Variants in ULK2 observed in about 807,000 individuals in gnomAD.
ULK2 encodes unc-51 like autophagy activating kinase 2, also known as serine/threonine-protein kinase ULK2.
ULK2 carries 76 observed loss-of-function variants against 127.5 expected under a neutral mutation model. The ratio of observed to expected loss-of-function variants is 0.60; its 90% confidence interval spans 0.50 to 0.72. The LOEUF (loss-of-function observed/expected upper bound fraction) is 0.72, where lower values mean the gene tolerates loss of function less well. Among genes scored for constraint, ULK2 ranks in the 30% least tolerant of loss-of-function variants. The probability of loss-of-function intolerance (pLI) is 0.00; values close to 1 mark genes in which losing one functional copy is unlikely to be tolerated. For synonymous variants in ULK2, 452 were observed against 461.9 expected (o/e 0.98, Z 0.28); for missense variants, 1,144 against 1,295.9 (o/e 0.88, Z 1.80).
intron 10 of ULK2, 57 bp downstream of exon 10, chr17:19,838,444 T>G: frequency 1.4e-6 from 2 of 1,438,760 alleles, no homozygotes; most frequent in Non-Finnish European, 1.9e-6. Context: ...TTTTAAATCT[T>G]TCGGCATATA....
intron 3 of ULK2, among the ~76,000 whole-genome samples, chr17:19,859,470 G>A (rs1323563060): frequency 6.6e-6 from 1 of 152,234 alleles, no homozygotes; most frequent in Admixed American, 6.5e-5. Context: ...AGTGAGCTGA[G>A]ACTGTCGCTG....
At chr17:19,785,216 GTTTC>G (rs1384138688) in intron 21 of ULK2, among the ~76,000 whole-genome samples, 6 of 151,960 alleles carry the variant, frequency 3.9e-5, no homozygotes, top group African/African-American at 1.5e-4. Context: ...AATAAAACAA[GTTTC>G]TTTCTTTTCT....
intron 8 of ULK2, among the ~76,000 whole-genome samples, chr17:19,842,130 T>A (rs2041773056): frequency 6.6e-6 from 1 of 151,634 alleles, no homozygotes; most frequent in Non-Finnish European, 1.5e-5. Context: ...CTCCTCTACA[T>A]GCAAACTAGA....
At chr17:19,781,751 G>T in intron 23 of ULK2, 138 bp downstream of exon 23, 1 of 978,568 alleles carries the variant, frequency 1.0e-6, no homozygotes, top group Non-Finnish European at 1.5e-6. Context: ...ATAGTGAAAT[G>T]TAGTACAAAG....
intron 20 of ULK2, among the ~76,000 whole-genome samples, chr17:19,788,589 T>C (rs191648994): frequency 1.3e-3 from 192 of 151,990 alleles, no homozygotes; most frequent in African/African-American, 4.5e-3. Flanking sequence ...GCTTGGGCCT[T>C]GGGTGAGACT....
In ULK2 at chr17:19,796,395, C is replaced by T. The variant is rs1039049583; in HGVS notation, c.1810-113G>A. On this transcript the variant is annotated intron_variant, in intron 18 of 26. Transcript: ENST00000395544. Reference sequence around the variant, plus strand: ...AGTCAGGAGCATGTAGGAGATAGGTCGGGTGGTGGGAAAAATTGTAGAAAG... The same window carrying T: ...AGTCAGGAGCATGTAGGAGATAGGTTGGGTGGTGGGAAAAATTGTAGAAAG... 2.5e-5 allele frequency: 25 copies of T among 986,458 alleles called. No individual in the cohort carries two copies. The Admixed American group carries it at 5.9e-4, about 23-fold the overall frequency. 61.1% of individuals were successfully genotyped at this position (986,458 alleles called of 1,614,324 possible). A position where few individuals can be genotyped will look rare whatever the true frequency, so the allele number is the denominator to read the frequency against.
chr17:19,848,323 C>T (rs2041938969), intron 5 of ULK2: 1 of 152,088 alleles, frequency 6.6e-6, no homozygotes, highest in Non-Finnish European at 1.5e-5. Context: ...CCATATAATT[C>T]TTAGAATATG....
At chr17:19,832,062 AGGTTGCAGTGAGCCAAGAT>A (rs1254798929) in intron 10 of ULK2, among the ~76,000 whole-genome samples, 1 of 148,684 alleles carries the variant, frequency 6.7e-6, no homozygotes, top group Non-Finnish European at 1.5e-5. Flanking sequence ...AGCTGGATGG[AGGTTGCAGTGAGCCAAGAT>A]GACGCCACTG....
intron 10 of ULK2, among the ~76,000 whole-genome samples, chr17:19,829,976 A>G (rs975469677): frequency 1.3e-5 from 2 of 152,204 alleles, no homozygotes; most frequent in Non-Finnish European, 2.9e-5. Context: ...GATTTGTACA[A>G]TAATAGTTGG....
At chr17:19,839,985 ACAC>A (rs943044421) in intron 9 of ULK2, 6 of 285,610 alleles carry the variant, frequency 2.1e-5, no homozygotes, top group African/African-American at 4.5e-5. Flanking sequence ...ACACACACAC[ACAC>A]TTCACTAGAG....
intron 12 of ULK2, among the ~76,000 whole-genome samples, chr17:19,820,257 C>T (rs1033902724): frequency 2.0e-5 from 3 of 152,100 alleles, no homozygotes; most frequent in Non-Finnish European, 2.9e-5. Context: ...CCATGTTGGC[C>T]AGGATGGTCT....
At chr17:19,837,154 A>AC (rs1305137065) in intron 10 of ULK2, among the ~76,000 whole-genome samples, 1 of 152,054 alleles carries the variant, frequency 6.6e-6, no homozygotes, top group East Asian at 1.9e-4. Flanking sequence ...ACTGTGGCTC[A>AC]CATCTGTAAT....
chr17:19,843,064 G>T (rs367562996), intron 8 of ULK2, 57 bp downstream of exon 8: 14 of 1,313,666 alleles, frequency 1.1e-5, no homozygotes, highest in Non-Finnish European at 1.4e-5. Flanking sequence ...CAAATCAAAC[G>T]CAACTATAAA....
chr17:19,844,860 G>A (rs189244453), intron 7 of ULK2, among the ~76,000 whole-genome samples: 1 of 152,236 alleles, frequency 6.6e-6, no homozygotes, highest in African/African-American at 2.4e-5. Flanking sequence ...GGAAAGCTGA[G>A]ATATTTCAGC....
At chr17:19,866,824 T>C (rs995083246) in intron 1 of ULK2, among the ~76,000 whole-genome samples, 12 of 152,110 alleles carry the variant, frequency 7.9e-5, no homozygotes, top group Non-Finnish European at 2.9e-5. Context: ...GGGAAAACGG[T>C]ACGGGGGCTC....
At chr17:19,838,357 T>A in intron 10 of ULK2, 144 bp downstream of exon 10, 1 of 693,438 alleles carries the variant, frequency 1.4e-6, no homozygotes. Flanking sequence ...AAGCACTCAA[T>A]AAATATTTAC....
At chr17:19,842,038 A>G (rs1226984136) in intron 8 of ULK2, among the ~76,000 whole-genome samples, 1 of 152,084 alleles carries the variant, frequency 6.6e-6, no homozygotes, top group African/African-American at 2.4e-5. Context: ...GAATTCAAAG[A>G]AAAGAACTAT....
At chr17:19,817,013 A>C in intron 12 of ULK2, 93 bp from the exon 13 acceptor site, 1 of 1,178,266 alleles carries the variant, frequency 8.5e-7, no homozygotes, top group South Asian at 1.7e-5. Context: ...TTTCCCCCAC[A>C]AAAGTGGGCA....
intron 12 of ULK2, among the ~76,000 whole-genome samples, chr17:19,818,322 CAAA>C (rs1333097274): frequency 4.8e-5 from 3 of 62,632 alleles, no homozygotes; most frequent in Non-Finnish European, 3.4e-5. Context: ...GACTCCGTCT[CAAA>C]AAAAAAAAAA....
Sources: allele counts gnomAD v4.1 joint callset (sites outside exome capture counted in the v4.1 genomes callset), GRCh38; gene constraint gnomAD v4.1.1; transcripts MANE v1.5; gene names NCBI Gene and HGNC (gene_info 2026-07-23, HGNC 2026-07-21).